EDA2R: variants seen among roughly 807,000 people sequenced by gnomAD.
The protein encoded by EDA2R is tumor necrosis factor receptor superfamily member 27.
EDA2R carries 26 observed loss-of-function variants against 20.1 expected under a neutral mutation model. The ratio of observed to expected loss-of-function variants is 1.30; its 90% confidence interval spans 0.95 to 1.80. The LOEUF is 1.80. Ranked by LOEUF, EDA2R falls within the 40% of genes most tolerant of loss-of-function variation. The pLI is 0.00. For synonymous variants in EDA2R, 114 were observed against 88.7 expected (o/e 1.29, Z -1.60); for missense variants, 277 against 228.7 (o/e 1.21, Z -1.36).
chrX:66,631,590 T>C (rs1034695701), intron 1 of EDA2R, among the ~76,000 whole-genome samples: 1 of 111,704 alleles, frequency 9.0e-6, no homozygotes, highest in Non-Finnish European at 1.9e-5. Context: ...AAGCATTTTA[T>C]TAATGTTAAC....
intron 2 of EDA2R, among the ~76,000 whole-genome samples, chrX:66,611,886 T>A (rs1365719611): frequency 9.0e-6 from 1 of 110,871 alleles, no homozygotes; most frequent in African/African-American, 3.3e-5. Flanking sequence ...ATACACATCA[T>A]AATAAAACTT....
chrX:66,637,958 C>T (rs1377700074), intron 1 of EDA2R, among the ~76,000 whole-genome samples: 1 of 111,790 alleles, frequency 8.9e-6, no homozygotes, highest in Non-Finnish European at 1.9e-5. Flanking sequence ...CTCTGGAGCC[C>T]TGAAAGGCGT....
chrX:66,617,126 G>A (rs1569242503), intron 1 of EDA2R, among the ~76,000 whole-genome samples: 1 of 111,970 alleles, frequency 8.9e-6, no homozygotes, highest in Non-Finnish European at 1.9e-5. Context: ...TTCTAAAAGT[G>A]CCAAAGTCCT....
At chrX:66,622,671 T>C (rs1932774645) in intron 1 of EDA2R, among the ~76,000 whole-genome samples, 1 of 111,862 alleles carries the variant, frequency 8.9e-6, no homozygotes, top group Non-Finnish European at 1.9e-5. Context: ...TTGAGAACAC[T>C]GCTTTCTTGA....
At chrX:66,605,693 G>T (rs1321104272) in intron 2 of EDA2R, among the ~76,000 whole-genome samples, 1 of 111,497 alleles carries the variant, frequency 9.0e-6, no homozygotes, top group East Asian at 2.8e-4. Context: ...CCCAAGAAAT[G>T]ACCCATATTG....
At chrX:66,605,253 T>C (rs1217966633) in intron 2 of EDA2R, 27 bp from the exon 3 acceptor site, 4 of 1,177,420 alleles carry the variant, frequency 3.4e-6, no homozygotes, top group Non-Finnish European at 4.6e-6. Flanking sequence ...GTTGTTAATA[T>C]TGCTTTATAG....
chrX:66,621,302 A>C (rs1462770677), intron 1 of EDA2R, among the ~76,000 whole-genome samples: 1 of 112,041 alleles, frequency 8.9e-6, no homozygotes, highest in Non-Finnish European at 1.9e-5. Context: ...GCTGGCGAGA[A>C]TACAAAATGA....
At chrX:66,624,763 C>T (rs1267581525) in intron 1 of EDA2R, among the ~76,000 whole-genome samples, 1 of 111,308 alleles carries the variant, frequency 9.0e-6, no homozygotes, top group African/African-American at 3.3e-5. Context: ...AGAGGACCTA[C>T]AGACACTCTT....
chrX:66,631,578 A>G (rs954544964), intron 1 of EDA2R, among the ~76,000 whole-genome samples: 8 of 111,642 alleles, frequency 7.2e-5, no homozygotes, highest in African/African-American at 1.3e-4. Context: ...GGATGGGCAA[A>G]AAAGCATTTT....
At chrX:66,612,442 A>C (rs1930928509) in intron 2 of EDA2R, among the ~76,000 whole-genome samples, 1 of 110,893 alleles carries the variant, frequency 9.0e-6, no homozygotes, top group Non-Finnish European at 1.9e-5. Flanking sequence ...TCAATACTTC[A>C]CTTGAAATGG....
chrX:66,634,685 T>C lies in EDA2R; in HGVS notation c.-11+4310A>G, dbSNP rs1365281032. ...TTTCCCAAAGTCACACAGTGGTCAA[T>C]GGTAGAGCTAAAAGTAGAATTCAAG... On this transcript the variant is annotated intron_variant, in intron 1 of 6. Coordinates refer to ENST00000374719, the MANE Select transcript of EDA2R (RefSeq NM_021783.5). Among the ~76,000 whole-genome samples the C allele has an allele frequency of 2.6e-4, 29 of 111,644 alleles. No individual in the cohort carries two copies. The Admixed American group carries it at 2.8e-3, about 11-fold the overall frequency.
At chrX:66,634,342 A>G (rs1388042369) in intron 1 of EDA2R, among the ~76,000 whole-genome samples, 2 of 112,095 alleles carry the variant, frequency 1.8e-5, no homozygotes, top group Admixed American at 1.9e-4. Flanking sequence ...CTTTGAGACC[A>G]TTTTTAGACT....
At chrX:66,628,050 G>A (rs113522110) in intron 1 of EDA2R, among the ~76,000 whole-genome samples, 7,649 of 111,126 alleles carry the variant, frequency 0.069, 651 homozygotes, top group African/African-American at 0.24. Context: ...AAACCATGCA[G>A]ATACATGGAA....
chrX:66,620,367 G>A (rs752357610), intron 1 of EDA2R, among the ~76,000 whole-genome samples: 5 of 111,323 alleles, frequency 4.5e-5, no homozygotes, highest in Non-Finnish European at 9.4e-5. Flanking sequence ...TTCAAAGAAG[G>A]GTGTTGGGGA....
chrX:66,618,999 A>G (rs1164986068), intron 1 of EDA2R, among the ~76,000 whole-genome samples: 3 of 112,367 alleles, frequency 2.7e-5, no homozygotes, highest in Non-Finnish European at 5.6e-5. Context: ...ATAGGGCTTG[A>G]TACATATGAG....
intron 5 of EDA2R, among the ~76,000 whole-genome samples, chrX:66,600,269 TG>T (rs977192209): frequency 1.8e-5 from 2 of 111,671 alleles, no homozygotes; most frequent in Non-Finnish European, 3.8e-5. Context: ...GATTACTCTA[TG>T]GGTCCAATGT....
chrX:66,623,868 C>T lies in EDA2R; in HGVS notation c.-10-7838G>A, dbSNP rs748870411. On this transcript the variant is annotated intron_variant, in intron 1 of 6. Coordinates refer to ENST00000374719, the MANE Select transcript of EDA2R (RefSeq NM_021783.5). ...CTCTCTCAAATTTTCACCTTCTTTC[C>T]AGAATTCCTATCCCCGTTTCCAGTT... Among the ~76,000 whole-genome samples the T allele has an allele frequency of 1.4e-4, 16 of 112,428 alleles. No homozygotes were observed. In the East Asian group the frequency reaches 4.5e-3, roughly 31 times the overall value.
rs187264273 is a variant in EDA2R, at chrX:66,597,033, G to T, written c.*1071C>A. On this transcript the variant is annotated 3_prime_UTR_variant, in exon 7 of 7. Coordinates refer to ENST00000374719, the MANE Select transcript of EDA2R (RefSeq NM_021783.5). ...ATAAAATTCTAAAAGCAAAAATCTT[G>T]CTGTAGACAGCACTCCTTTGCCAGA... is the stretch of plus-strand genomic sequence containing the variant. 1 of 113,202 alleles carries T rather than the reference G, an allele frequency of 8.8e-6. No homozygotes were observed. The highest frequency in any genetic ancestry group is 2.8e-4 in the East Asian group (1 of 3,566). 9.3% of individuals were successfully genotyped at this position (113,202 alleles called of 1,213,427 possible).
At chrX:66,620,241 T>C (rs1040593585) in intron 1 of EDA2R, among the ~76,000 whole-genome samples, 2 of 112,332 alleles carry the variant, frequency 1.8e-5, no homozygotes, top group Non-Finnish European at 3.8e-5. Context: ...TTATATATTT[T>C]TCTTGGCAAA....
Sources: gnomAD v4.1 joint callset for allele counts (sites outside exome capture counted in the v4.1 genomes callset) on GRCh38, gnomAD v4.1.1 for gene constraint, MANE v1.5 for transcripts, NCBI Gene and HGNC (gene_info 2026-07-23, HGNC 2026-07-21) for gene names.